PTPN9: variants seen among roughly 807,000 people sequenced by gnomAD.
PTPN9 encodes the protein protein tyrosine phosphatase non-receptor type 9, also known as tyrosine-protein phosphatase non-receptor type 9.
In PTPN9, 26 loss-of-function variants were observed where a neutral mutation model predicts 69.8. The ratio of observed to expected loss-of-function variants is 0.37; its 90% CI spans 0.27 to 0.52. The LOEUF is 0.52. PTPN9 is among the 20% of genes least tolerant of loss of function. The probability of loss-of-function intolerance (pLI) is 0.91; values close to 1 mark genes in which losing one functional copy is unlikely to be tolerated. For synonymous variants in PTPN9, 274 were observed against 272.5 expected (o/e 1.01, Z -0.05); for missense variants, 549 against 740.3 (o/e 0.74, Z 3.00).
chr15:75,499,681 G>A (rs2074762756), intron 7 of PTPN9, among the ~76,000 whole-genome samples: 1 of 152,084 alleles, frequency 6.6e-6, no homozygotes, highest in Middle Eastern at 3.4e-3. Flanking sequence ...TGCGATTACA[G>A]GCGTGAGCCA....
At chr15:75,489,174 CAAAAAAAAAAAA>C (rs35540489) in intron 8 of PTPN9, among the ~76,000 whole-genome samples, 1 of 64,236 alleles carries the variant, frequency 1.6e-5, no homozygotes, top group Admixed American at 1.9e-4. Flanking sequence ...GACTCCGTCT[CAAAAAAAAAAAA>C]AAAAAAAAAA....
In PTPN9 at chr15:75,505,968, A is replaced by T. The variant is rs1476259453; in HGVS notation, c.675T>A (p.His225Gln). The T allele has an allele frequency of 6.2e-7, 1 of 1,613,786 alleles. No individual in the cohort carries two copies. Among genetic ancestry groups the T allele is most frequent in the African/African-American group, 1.3e-5 (1 of 74,928 alleles). ...QILKTSEVTQ[H>Q]LPRECLPENL... ...TTTCTGGAAGACACTCCCTGGGCAGATGCTGCGTGACCTCAGATGTCTTTA... is the reference window on the plus strand; with the variant it reads ...TTTCTGGAAGACACTCCCTGGGCAGTTGCTGCGTGACCTCAGATGTCTTTA... The change falls in exon 7 of 13, where the codon CAT becomes CAA. Residue 225 changes from histidine (H) to glutamine (Q), a missense_variant. Physicochemically the swap from His to Gln is conservative, Grantham distance 24. This residue lies in a region of PTPN9 where 457 missense variants were observed against 661.9 expected (regional missense o/e 0.69). Transcript: ENST00000618819.
At chr15:75,496,120 G>C (rs1265636463) in intron 7 of PTPN9, among the ~76,000 whole-genome samples, 1 of 147,704 alleles carries the variant, frequency 6.8e-6, no homozygotes, top group Non-Finnish European at 1.5e-5. Context: ...ACCTGGGTGA[G>C]AGAGTGAGAG....
chr15:75,484,200 G>C (rs2074660367), intron 8 of PTPN9, among the ~76,000 whole-genome samples: 1 of 152,194 alleles, frequency 6.6e-6, no homozygotes, highest in South Asian at 2.1e-4. Flanking sequence ...CAGTCTGCCA[G>C]AGTGAACTAT....
intron 1 of PTPN9, among the ~76,000 whole-genome samples, chr15:75,541,401 T>TA (rs971494137): frequency 2.1e-4 from 31 of 150,414 alleles, no homozygotes; most frequent in Admixed American, 6.7e-5. Context: ...TTATTATTAT[T>TA]ATTAATTAAT....
At chr15:75,544,581 G>A (rs1360679764) in intron 1 of PTPN9, among the ~76,000 whole-genome samples, 2 of 151,972 alleles carry the variant, frequency 1.3e-5, no homozygotes, top group Non-Finnish European at 2.9e-5. Flanking sequence ...AAAACAAGAA[G>A]CTCCTCATCC....
At chr15:75,566,135 G>A (rs1305507091) in intron 1 of PTPN9, among the ~76,000 whole-genome samples, 2 of 151,700 alleles carry the variant, frequency 1.3e-5, no homozygotes, top group African/African-American at 4.8e-5. Context: ...AAGGAAATAA[G>A]ACAAAACAGA....
chr15:75,552,243 A>T (rs1481414957), intron 1 of PTPN9, among the ~76,000 whole-genome samples: 1 of 151,488 alleles, frequency 6.6e-6, no homozygotes, highest in Non-Finnish European at 1.5e-5. Flanking sequence ...TACTAAAAAA[A>T]AAAAAAGTAG....
At chr15:75,516,202 G>C (rs889231520) in intron 5 of PTPN9, among the ~76,000 whole-genome samples, 4 of 151,854 alleles carry the variant, frequency 2.6e-5, no homozygotes, top group Non-Finnish European at 5.9e-5. Context: ...AAGTGTTTCA[G>C]ATTTTGAATT....
intron 1 of PTPN9, among the ~76,000 whole-genome samples, chr15:75,558,264 G>C (rs928924694): frequency 5.3e-5 from 8 of 151,988 alleles, no homozygotes; most frequent in African/African-American, 1.9e-4. Flanking sequence ...GGAGGCGGAG[G>C]CTGCAGTGAG....
chr15:75,549,975 C>A (rs187345461), intron 1 of PTPN9, among the ~76,000 whole-genome samples: 94 of 151,724 alleles, frequency 6.2e-4, no homozygotes, highest in Admixed American at 2.4e-3. Context: ...CCCTTGTCTA[C>A]CCCCACCCCC....
chr15:75,492,134 A>G (rs1188070302), intron 7 of PTPN9, among the ~76,000 whole-genome samples: 2 of 152,138 alleles, frequency 1.3e-5, no homozygotes, highest in Admixed American at 6.5e-5. Context: ...CAGCCTCCCA[A>G]AGTGCTGGGA....
intron 7 of PTPN9, among the ~76,000 whole-genome samples, chr15:75,500,342 CAT>C (rs1420968374): frequency 7.9e-5 from 11 of 138,942 alleles, no homozygotes; most frequent in African/African-American, 1.6e-4. Flanking sequence ...AACAAACATA[CAT>C]ACACACACAC....
chr15:75,463,674 C>T lies in PTPN9; in HGVS notation c.*5095G>A, dbSNP rs1325411890. 2.0e-5 allele frequency: 3 copies of T among 151,888 alleles called. No individual in the cohort carries two copies. The highest frequency in any genetic ancestry group is 4.4e-5 in the Non-Finnish European group (3 of 67,954). The allele number at this position is 151,888 out of a possible 1,614,324, so 9.4% of individuals were successfully genotyped here. A position where few individuals can be genotyped will look rare whatever the true frequency, so the allele number is the denominator to read the frequency against. On this transcript the variant is annotated 3_prime_UTR_variant, in exon 13 of 13. Transcript: ENST00000618819. Reference sequence around the variant, plus strand: ...TTTCAAGGTGCTAGATTTTTTTTCCCCCAAGAAAACATCTCCAAGTAAAAG... The same window carrying T: ...TTTCAAGGTGCTAGATTTTTTTTCCTCCAAGAAAACATCTCCAAGTAAAAG...
intron 1 of PTPN9, among the ~76,000 whole-genome samples, chr15:75,557,254 G>A (rs2075081831): frequency 2.0e-5 from 3 of 151,790 alleles, no homozygotes; most frequent in South Asian, 2.1e-4. Context: ...GTGAAACCCC[G>A]TCTCTACTAA....
intron 1 of PTPN9, among the ~76,000 whole-genome samples, chr15:75,557,125 A>T (rs1433179809): frequency 6.6e-6 from 1 of 152,132 alleles, no homozygotes; most frequent in African/African-American, 2.4e-5. Flanking sequence ...ACCTTTGGCT[A>T]TTGAGAATAG....
At chr15:75,542,402 A>T (rs879584273) in intron 1 of PTPN9, among the ~76,000 whole-genome samples, 1 of 152,202 alleles carries the variant, frequency 6.6e-6, no homozygotes, top group Non-Finnish European at 1.5e-5. Context: ...TTCTGAAACC[A>T]TGGGACTCTT....
At chr15:75,504,425 G>C (rs1172354978) in intron 7 of PTPN9, among the ~76,000 whole-genome samples, 1 of 137,436 alleles carries the variant, frequency 7.3e-6, no homozygotes, top group Non-Finnish European at 1.6e-5. Flanking sequence ...CGTCCGGGAG[G>C]GAGGTGGGGG....
intron 6 of PTPN9, among the ~76,000 whole-genome samples, chr15:75,508,039 C>CAAAAAAAAAA (rs990909256): frequency 5.4e-5 from 2 of 37,376 alleles, no homozygotes; most frequent in Non-Finnish European, 9.9e-5. Context: ...GAGACACTCT[C>CAAAAAAAAAA]AAAAAAAAAA....
Sources: allele counts gnomAD v4.1 joint callset (sites outside exome capture counted in the v4.1 genomes callset), GRCh38; gene constraint gnomAD v4.1.1; regional missense constraint gnomAD v4.1.1; transcripts MANE v1.5; gene names NCBI Gene and HGNC (gene_info 2026-07-23, HGNC 2026-07-21).